The following HOMER2 variants were observed in gnomAD, a reference collection of about 807,000 sequenced individuals.
HOMER2 encodes homer protein homolog 2.
HOMER2 carries 27 observed loss-of-function variants against 47.0 expected under a neutral mutation model. The observed-to-expected ratio is 0.57, with a 90% CI of 0.42 to 0.79. HOMER2 has a LOEUF of 0.79. Ranked by LOEUF, HOMER2 falls within the 30% of genes least tolerant of loss-of-function variation. The probability of loss-of-function intolerance (pLI) is 0.00; values close to 1 mark genes in which losing one functional copy is unlikely to be tolerated. For synonymous variants in HOMER2, 161 were observed against 163.8 expected, an observed-to-expected ratio of 0.98 and a Z score of 0.13; for missense variants, 443 against 435.0, an observed-to-expected ratio of 1.02 and a Z score of -0.16.
chr15:82,898,889 G>T (rs529227471), intron 1 of HOMER2, among the ~76,000 whole-genome samples: 1 of 152,246 alleles, frequency 6.6e-6, no homozygotes, highest in South Asian at 2.1e-4. Flanking sequence ...ACTTCTATTT[G>T]ATTTGAATTA....
intron 1 of HOMER2, among the ~76,000 whole-genome samples, chr15:82,908,777 T>C (rs1596344133): frequency 6.6e-6 from 1 of 150,832 alleles, no homozygotes; most frequent in African/African-American, 2.4e-5. Flanking sequence ...ACATGGAGGA[T>C]GAAGGAGAAA....
At chr15:82,932,222 T>G (rs2054029236) in intron 1 of HOMER2, among the ~76,000 whole-genome samples, 1 of 151,948 alleles carries the variant, frequency 6.6e-6, no homozygotes. Context: ...GGGCCGGGCG[T>G]GGTGGCTCAC....
intron 3 of HOMER2, among the ~76,000 whole-genome samples, chr15:82,870,820 C>T (rs146177409): frequency 1.1e-4 from 17 of 152,280 alleles, no homozygotes; most frequent in South Asian, 2.1e-4. Context: ...ATGCACGTAT[C>T]GGGGTTTGGC....
chr15:82,849,798 T>A lies in HOMER2; in HGVS notation c.949A>T (p.Ser317Cys). The A allele has an allele frequency of 1.2e-6, 2 of 1,613,938 alleles. No individual in the cohort carries two copies. The highest frequency in any genetic ancestry group is 1.7e-6 in the Non-Finnish European group (2 of 1,179,864). ...RQRHLKVELKSFLEVLDGKID... is the reference protein window; with the variant it reads ...RQRHLKVELKCFLEVLDGKID... ...TTCCCGTCCAGCACCTCCAGGAAGC[T>A]CTTCAACTCCACCTTCAGGTGGCGC... Residue 317 changes from serine to cysteine, a missense_variant, in exon 9 of 9, where the codon AGC becomes TGC. Physicochemically the swap from Ser to Cys is moderately radical, Grantham distance 112. Coordinates refer to ENST00000450735, the MANE Select transcript of HOMER2 (RefSeq NM_004839.4).
intron 1 of HOMER2, among the ~76,000 whole-genome samples, chr15:82,925,423 C>T (rs921302841): frequency 4.6e-5 from 7 of 152,198 alleles, no homozygotes; most frequent in Non-Finnish European, 1.0e-4. Context: ...AGGTCTCTTC[C>T]TCCCATGATA....
At chr15:82,859,953 A>G (rs1227615180) in intron 4 of HOMER2, among the ~76,000 whole-genome samples, 5 of 152,186 alleles carry the variant, frequency 3.3e-5, no homozygotes, top group Admixed American at 6.5e-5. Flanking sequence ...GTACATATGA[A>G]AAACAAAATG....
At chr15:82,881,027 G>A (rs773738445) in intron 2 of HOMER2, among the ~76,000 whole-genome samples, 5 of 152,192 alleles carry the variant, frequency 3.3e-5, no homozygotes, top group African/African-American at 4.8e-5. Context: ...GGGGAGAACG[G>A]ACCTGGGGGA....
chr15:82,867,367 G>GAA (rs10583915), intron 3 of HOMER2, among the ~76,000 whole-genome samples: 4 of 133,962 alleles, frequency 3.0e-5, no homozygotes, highest in Admixed American at 1.5e-4. Context: ...AATATAAAAG[G>GAA]AAAAAAAAAA....
At chr15:82,919,376 G>A (rs981782915) in intron 1 of HOMER2, among the ~76,000 whole-genome samples, 15 of 152,308 alleles carry the variant, frequency 9.8e-5, no homozygotes, top group Admixed American at 2.0e-4. Context: ...TTGGCCAGAC[G>A]CCCAGCACAA....
intron 1 of HOMER2, among the ~76,000 whole-genome samples, chr15:82,912,466 CTT>C (rs1032839122): frequency 6.6e-6 from 1 of 151,344 alleles, no homozygotes; most frequent in African/African-American, 2.4e-5. Context: ...GGATATATCA[CTT>C]TTTTTTTAAT....
rs894386328 is a variant in HOMER2 at position 82,918,584 on chromosome 15, T to C, written c.6-25743A>G. Among the ~76,000 whole-genome samples, 5 of 152,112 alleles carry C rather than the reference T, an allele frequency of 3.3e-5. No homozygotes were observed. In the South Asian group the frequency reaches 6.2e-4, roughly 19 times the overall value. On this transcript the variant is annotated intron_variant, in intron 1 of 8. Coordinates refer to ENST00000450735, the MANE Select transcript of HOMER2 (RefSeq NM_004839.4). ...ACTCACCTCCACAGCTTTGAGGACA[T>C]GTCTATGTGATGACACCTGAATGTG...
chr15:82,849,910 A>G lies in HOMER2; in HGVS notation c.844-7T>C. The G allele has an allele frequency of 6.2e-7, 1 of 1,613,124 alleles. No homozygotes were observed. The highest frequency in any genetic ancestry group is 1.1e-5 in the South Asian group (1 of 91,014). On this transcript the variant is annotated splice_polypyrimidine_tract_variant and splice_region_variant and intron_variant, in intron 8 of 8. Transcript: ENST00000450735. The stretch of plus-strand genomic sequence containing the variant: ...GATTGTCTCTCTCTGCCGCCTGGCC[A>G]AGCAAAAGGGAGAAGGGTCTAGAAA...
intron 3 of HOMER2, among the ~76,000 whole-genome samples, chr15:82,871,152 T>C (rs1352045184): frequency 6.6e-6 from 1 of 152,238 alleles, no homozygotes; most frequent in East Asian, 1.9e-4. Flanking sequence ...ACACAGCTTC[T>C]ACTATTTTTG....
At chr15:82,900,208 T>C (rs372826790) in intron 1 of HOMER2, among the ~76,000 whole-genome samples, 12 of 152,206 alleles carry the variant, frequency 7.9e-5, no homozygotes, top group East Asian at 3.9e-4. Flanking sequence ...GGCAGGAGTA[T>C]GGCTTGAGAC....
intron 1 of HOMER2, among the ~76,000 whole-genome samples, chr15:82,945,365 G>T (rs2054353291): frequency 1.3e-5 from 2 of 152,268 alleles, no homozygotes; most frequent in African/African-American, 2.4e-5. Flanking sequence ...GGCATGTAAA[G>T]ATGTCCACTC....
At chr15:82,947,574 C>T (rs189871041) in intron 1 of HOMER2, among the ~76,000 whole-genome samples, 1 of 152,300 alleles carries the variant, frequency 6.6e-6, no homozygotes, top group Admixed American at 6.5e-5. Context: ...AACTCCAGTA[C>T]TCAAATGACA....
At position 82,962,676 on chromosome 15, in the gene HOMER2, C is replaced by CA. The variant is rs981052797; in HGVS notation, n.83-3369dup. ...TGGGCAACAGAGTGAGACTCTGTCT[C>CA]AAAAAAAAAAGTCCGGGAAGTGGGG... On this transcript the variant is annotated intron_variant and non_coding_transcript_variant, in intron 1 of 1. Transcript: ENST00000500334. Among the ~76,000 whole-genome samples the CA allele has an allele frequency of 3.8e-3, 564 of 147,528 alleles. 6 individuals are homozygous for CA. The highest frequency in any genetic ancestry group is 0.012 in the African/African-American group (486 of 40,236).
At chr15:82,935,300 C>T (rs1417649285) in intron 1 of HOMER2, among the ~76,000 whole-genome samples, 1 of 152,168 alleles carries the variant, frequency 6.6e-6, no homozygotes, top group Non-Finnish European at 1.5e-5. Flanking sequence ...GTGCTCAAAC[C>T]AATGCCCAAA....
At chr15:82,939,569 C>T (rs572581782) in intron 1 of HOMER2, among the ~76,000 whole-genome samples, 10 of 152,240 alleles carry the variant, frequency 6.6e-5, no homozygotes, top group African/African-American at 2.2e-4. Flanking sequence ...ACTTGGGGGG[C>T]TGAGGCAGGA....
Sources: gnomAD v4.1 joint callset for allele counts (sites outside exome capture counted in the v4.1 genomes callset) on GRCh38, gnomAD v4.1.1 for gene constraint, MANE v1.5 for transcripts, NCBI Gene and HGNC (gene_info 2026-07-23, HGNC 2026-07-21) for gene names.